The following ADARB2 variants were observed in gnomAD, a reference collection of about 807,000 sequenced individuals.
ADARB2 encodes adenosine deaminase RNA specific B2 (inactive).
ADARB2 carries 25 observed loss-of-function variants against 62.2 expected under a neutral mutation model. The observed-to-expected ratio is 0.40, with a 90% CI of 0.29 to 0.56. The LOEUF (loss-of-function observed/expected upper bound fraction) is 0.56, where lower values mean the gene tolerates loss of function less well. Ranked by LOEUF, ADARB2 falls within the 20% of genes least tolerant of loss-of-function variation. ADARB2 has a pLI of 0.43. For synonymous variants in ADARB2, 572 were observed against 500.8 expected (o/e 1.14, Z -1.90); for missense variants, 1,071 against 1,077.4 (o/e 0.99, Z 0.08).
At chr10:1,357,292 G>A (rs1832205089) in intron 3 of ADARB2, among the ~76,000 whole-genome samples, 2 of 152,172 alleles carry the variant, frequency 1.3e-5, no homozygotes, top group African/African-American at 4.8e-5. Flanking sequence ...AAAATCGTTA[G>A]TGTCCCCACC....
At chr10:1,714,401 A>G (rs1225462136) in intron 1 of ADARB2, among the ~76,000 whole-genome samples, 3 of 152,220 alleles carry the variant, frequency 2.0e-5, no homozygotes, top group Admixed American at 1.3e-4. Flanking sequence ...TAATTCACTT[A>G]CTGAGCATGT....
intron 3 of ADARB2, among the ~76,000 whole-genome samples, chr10:1,348,066 G>A (rs1032719801): frequency 2.0e-5 from 3 of 151,974 alleles, no homozygotes; most frequent in Admixed American, 2.0e-4. Context: ...GAGACAGAGC[G>A]AAACAGAGAC....
chr10:1,372,584 G>A (rs1832382926), intron 2 of ADARB2, among the ~76,000 whole-genome samples: 1 of 152,220 alleles, frequency 6.6e-6, no homozygotes, highest in Non-Finnish European at 1.5e-5. Context: ...GGCATGAAGA[G>A]GGAGGTGTGG....
chr10:1,340,820 CA>C (rs1351078166), intron 3 of ADARB2, among the ~76,000 whole-genome samples: 7 of 142,398 alleles, frequency 4.9e-5, no homozygotes, highest in South Asian at 2.3e-4. Context: ...CGGCAATAAC[CA>C]GCATCCACCA....
At chr10:1,554,274 C>A (rs1832670014) in intron 1 of ADARB2, among the ~76,000 whole-genome samples, 1 of 152,180 alleles carries the variant, frequency 6.6e-6, no homozygotes, top group African/African-American at 2.4e-5. Flanking sequence ...TTCCTCATCC[C>A]TGGCTGTTTT....
At chr10:1,272,339 G>A (rs1307245767) in intron 3 of ADARB2, among the ~76,000 whole-genome samples, 1 of 152,184 alleles carries the variant, frequency 6.6e-6, no homozygotes, top group Non-Finnish European at 1.5e-5. Flanking sequence ...TGCTGATAAG[G>A]ACAGCTCTCT....
At chr10:1,241,810 G>GC (rs1830927295) in intron 5 of ADARB2, among the ~76,000 whole-genome samples, 1 of 152,240 alleles carries the variant, frequency 6.6e-6, no homozygotes, top group South Asian at 2.1e-4. Context: ...AGGGGGCAGT[G>GC]CAGGAATGTG....
intron 1 of ADARB2, among the ~76,000 whole-genome samples, chr10:1,560,762 G>A (rs943158445): frequency 6.6e-6 from 1 of 152,190 alleles, no homozygotes; most frequent in Non-Finnish European, 1.5e-5. Context: ...AGCCTCCCAG[G>A]GACTTGTGGA....
At chr10:1,332,623 C>T (rs1443897713) in intron 3 of ADARB2, among the ~76,000 whole-genome samples, 1 of 151,908 alleles carries the variant, frequency 6.6e-6, no homozygotes, top group Non-Finnish European at 1.5e-5. Context: ...GCCCCCTGAC[C>T]TCAGAGGAGA....
chr10:1,233,717 G>C lies in ADARB2; in HGVS notation c.1490C>G (p.Ser497Cys). 1 of 1,613,818 alleles carries C rather than the reference G, an allele frequency of 6.2e-7. No homozygotes were observed. Among genetic ancestry groups the C allele is most frequent in the Non-Finnish European group, 8.5e-7 (1 of 1,179,896 alleles). ...TSPCGDARLHSPYEITTDLHS... is the reference protein window; with the variant it reads ...TSPCGDARLHCPYEITTDLHS... ...ACGGTCTGTGGTGATCTCGTAGGGA[G>C]AGTGGAGTCTTGCGTCTCCACAGGG... The change falls in exon 6 of 10, where the codon TCT (serine) becomes TGT (cysteine). Residue 497 changes from serine (S) to cysteine (C), a missense_variant. Transcript: ENST00000381312.
chr10:1,551,279 C>T (rs767703103), intron 1 of ADARB2, among the ~76,000 whole-genome samples: 5 of 152,146 alleles, frequency 3.3e-5, no homozygotes, highest in Non-Finnish European at 5.9e-5. Flanking sequence ...ACTGTGACAA[C>T]GTGAATGTCT....
chr10:1,301,178 A>C (rs11813583), intron 3 of ADARB2, among the ~76,000 whole-genome samples: 5,926 of 152,296 alleles, frequency 0.039, 360 homozygotes, highest in African/African-American at 0.13. Flanking sequence ...TGGCACAGGG[A>C]TTTAACAGGT....
chr10:1,642,929 C>T (rs959628627), intron 1 of ADARB2, among the ~76,000 whole-genome samples: 1 of 152,228 alleles, frequency 6.6e-6, no homozygotes, highest in African/African-American at 2.4e-5. Context: ...TCTAGGAAAC[C>T]TCCACCCCGC....
intron 4 of ADARB2, among the ~76,000 whole-genome samples, chr10:1,258,530 A>G (rs530215505): frequency 3.3e-5 from 5 of 152,342 alleles, no homozygotes; most frequent in African/African-American, 1.2e-4. Context: ...CTTTAAACCA[A>G]CAAAGATCAA....
intron 1 of ADARB2, among the ~76,000 whole-genome samples, chr10:1,414,497 A>G (rs1435254427): frequency 6.6e-6 from 1 of 152,214 alleles, no homozygotes; most frequent in African/African-American, 2.4e-5. Context: ...CTCTCCCAGG[A>G]TCGATTATAT....
chr10:1,358,378 T>C (rs1430862490), intron 3 of ADARB2, among the ~76,000 whole-genome samples: 1 of 152,144 alleles, frequency 6.6e-6, no homozygotes, highest in Non-Finnish European at 1.5e-5. Context: ...GCCAGGTCCA[T>C]CCCAGGAGGA....
intron 4 of ADARB2, among the ~76,000 whole-genome samples, chr10:1,249,357 A>C (rs759144106): frequency 1.1e-4 from 17 of 151,536 alleles, no homozygotes; most frequent in Non-Finnish European, 1.5e-4. Context: ...TGGGAGGATC[A>C]CTTGAGCCCT....
At chr10:1,324,717 G>C (rs758925499) in intron 3 of ADARB2, among the ~76,000 whole-genome samples, 1 of 152,188 alleles carries the variant, frequency 6.6e-6, no homozygotes, top group Non-Finnish European at 1.5e-5. Flanking sequence ...GTGGCCACCA[G>C]ATATTAAAGT....
chr10:1,563,293 A>G (rs1279381187), intron 1 of ADARB2, among the ~76,000 whole-genome samples: 1 of 152,002 alleles, frequency 6.6e-6, no homozygotes, highest in Non-Finnish European at 1.5e-5. Flanking sequence ...TAAGGTGCGG[A>G]CGTGTATCCC....
Sources: allele counts gnomAD v4.1 joint callset (sites outside exome capture counted in the v4.1 genomes callset), GRCh38; gene constraint gnomAD v4.1.1; transcripts MANE v1.5; gene names NCBI Gene and HGNC (gene_info 2026-07-23, HGNC 2026-07-21).